The following PRELID2 variants were observed in gnomAD, a reference collection of about 807,000 sequenced individuals.
PRELID2 encodes PRELI domain-containing protein 2.
PRELID2 carries 25 observed loss-of-function variants against 28.4 expected under a neutral mutation model. That is an observed-to-expected ratio of 0.88 (90% CI 0.64 to 1.23). PRELID2 has a LOEUF of 1.23. Among genes scored for constraint, PRELID2 ranks in the 50% most tolerant of loss-of-function variants. The probability of loss-of-function intolerance (pLI) is 0.00; values close to 1 mark genes in which losing one functional copy is unlikely to be tolerated. For synonymous variants in PRELID2, 76 were observed against 71.6 expected (o/e 1.06, Z -0.31); for missense variants, 201 against 214.4 (o/e 0.94, Z 0.39).
At chr5:145,679,323 G>T (rs955077254) in intron 1 of PRELID2, among the ~76,000 whole-genome samples, 1 of 152,144 alleles carries the variant, frequency 6.6e-6, no homozygotes, top group Admixed American at 6.5e-5. Flanking sequence ...TAGGAATCTG[G>T]AAACTTCTGC....
intron 1 of PRELID2, among the ~76,000 whole-genome samples, chr5:145,483,646 A>T (rs1752186638): frequency 1.3e-5 from 2 of 152,250 alleles, no homozygotes; most frequent in Non-Finnish European, 2.9e-5. Context: ...AACAAGTGAT[A>T]GAGCCAGGAA....
chr5:145,354,197 C>T, the PRELID2 span, among the ~76,000 whole-genome samples: 2 of 151,352 alleles, frequency 1.3e-5, no homozygotes, highest in Non-Finnish European at 2.9e-5. Context: ...CCACATTATT[C>T]GACGACTTTC....
chr5:145,269,235 A>C, the PRELID2 span, among the ~76,000 whole-genome samples: 4 of 152,242 alleles, frequency 2.6e-5, no homozygotes, highest in African/African-American at 9.6e-5. Flanking sequence ...TTAAAATAAG[A>C]CATGCGGAGA....
At chr5:145,626,907 C>A (rs1753854019) in intron 1 of PRELID2, among the ~76,000 whole-genome samples, 1 of 151,794 alleles carries the variant, frequency 6.6e-6, no homozygotes, top group African/African-American at 2.4e-5. Flanking sequence ...CGAGATCAGC[C>A]TGGCTAACAT....
chr5:145,728,393 A>C, intron 1 of PRELID2: 3 of 480,004 alleles, frequency 6.2e-6, no homozygotes, highest in East Asian at 4.1e-5. Flanking sequence ...GGCCCTGGGT[A>C]GAGCTCAGAA....
At chr5:145,404,003 C>A in the PRELID2 span, among the ~76,000 whole-genome samples, 6 of 152,258 alleles carry the variant, frequency 3.9e-5, no homozygotes, top group Middle Eastern at 6.8e-3. Flanking sequence ...GCACTAACGC[C>A]AAGAGAAATG....
intron 1 of PRELID2, among the ~76,000 whole-genome samples, chr5:145,630,887 A>T (rs868563164): frequency 6.6e-6 from 1 of 152,236 alleles, no homozygotes; most frequent in East Asian, 1.9e-4. Context: ...AAGAGAATAT[A>T]TAAACAGAAA....
chr5:145,587,102 T>C (rs974320240), intron 1 of PRELID2, among the ~76,000 whole-genome samples: 6 of 152,130 alleles, frequency 3.9e-5, no homozygotes, highest in African/African-American at 1.4e-4. Flanking sequence ...CACAACTGGG[T>C]AATTGTGGCC....
At chr5:145,822,516 T>C (rs1304276115) in intron 2 of PRELID2, among the ~76,000 whole-genome samples, 4 of 152,176 alleles carry the variant, frequency 2.6e-5, no homozygotes. Flanking sequence ...ACTCCTGATT[T>C]AGTCAATGCT....
chr5:145,252,066 A>T, the PRELID2 span, among the ~76,000 whole-genome samples: 1 of 152,122 alleles, frequency 6.6e-6, no homozygotes, highest in African/African-American at 2.4e-5. Flanking sequence ...ACACCACCAG[A>T]ATCAGAAACG....
intron 1 of PRELID2, among the ~76,000 whole-genome samples, chr5:145,730,974 G>C (rs895071713): frequency 2.6e-5 from 4 of 152,132 alleles, no homozygotes; most frequent in Non-Finnish European, 4.4e-5. Context: ...CGAAGCTTCT[G>C]ATAAGCCCCC....
At chr5:145,512,048 G>A (rs1466328788) in intron 1 of PRELID2, among the ~76,000 whole-genome samples, 1 of 152,076 alleles carries the variant, frequency 6.6e-6, no homozygotes, top group African/African-American at 2.4e-5. Flanking sequence ...GCAAGAAGAG[G>A]GAATCAGCAA....
chr5:145,644,968 G>T (rs1754172706), intron 1 of PRELID2, among the ~76,000 whole-genome samples: 1 of 152,176 alleles, frequency 6.6e-6, no homozygotes. Context: ...GTGTGATGAG[G>T]TGCTAAAAAG....
the PRELID2 span, among the ~76,000 whole-genome samples, chr5:145,247,595 G>C: frequency 1.3e-5 from 2 of 152,236 alleles, no homozygotes; most frequent in East Asian, 3.9e-4. Flanking sequence ...CAAATCCTGG[G>C]TTGCACATAC....
chr5:145,300,743 A>C, the PRELID2 span, among the ~76,000 whole-genome samples: 1 of 140,380 alleles, frequency 7.1e-6, no homozygotes, highest in Non-Finnish European at 1.5e-5. Flanking sequence ...CTTAGGGTAT[A>C]TCCCACTAAG....
intron 1 of PRELID2, among the ~76,000 whole-genome samples, chr5:145,678,840 C>A (rs556879557): frequency 2.0e-5 from 3 of 152,202 alleles, no homozygotes; most frequent in South Asian, 4.2e-4. Flanking sequence ...TAGAAAAGAG[C>A]AAGTACAGAG....
At chr5:145,709,642 T>C (rs918937751) in intron 1 of PRELID2, among the ~76,000 whole-genome samples, 2 of 151,836 alleles carry the variant, frequency 1.3e-5, no homozygotes, top group African/African-American at 2.4e-5. Context: ...CATTTTTCAA[T>C]TTTTTAATAA....
At chr5:145,230,936 G>T in the PRELID2 span, among the ~76,000 whole-genome samples, 1 of 152,184 alleles carries the variant, frequency 6.6e-6, no homozygotes, top group Non-Finnish European at 1.5e-5. Flanking sequence ...TGACAATGTA[G>T]CTGGCTTCTT....
intron 1 of PRELID2, among the ~76,000 whole-genome samples, chr5:145,829,767 C>A (rs1189428575): frequency 1.3e-5 from 2 of 152,126 alleles, no homozygotes; most frequent in Non-Finnish European, 2.9e-5. Flanking sequence ...TGAAGAAAGA[C>A]TAGTACAGCA....
Sources: allele counts gnomAD v4.1 joint callset (sites outside exome capture counted in the v4.1 genomes callset), GRCh38; gene constraint gnomAD v4.1.1; transcripts MANE v1.5; gene names NCBI Gene and HGNC (gene_info 2026-07-23, HGNC 2026-07-21).